The following MAP2K5 variants were observed in gnomAD, a reference collection of about 807,000 sequenced individuals.
The protein encoded by MAP2K5 is dual specificity mitogen-activated protein kinase kinase 5.
Under a neutral mutation model 83.1 loss-of-function variants are expected in MAP2K5, and 49 were observed. That is an observed-to-expected ratio of 0.59 (90% CI 0.47 to 0.75). The LOEUF is 0.75. MAP2K5 is among the 30% of genes least tolerant of loss of function. The pLI, the probability that MAP2K5 is intolerant of heterozygous loss-of-function variation, is 0.00. For missense variants in MAP2K5, 457 were observed against 557.5 expected (o/e 0.82, Z 1.82); for synonymous variants, 202 against 191.8 (o/e 1.05, Z -0.44).
intron 9 of MAP2K5, among the ~76,000 whole-genome samples, chr15:67,641,828 C>T (rs1324674464): frequency 6.6e-6 from 1 of 152,144 alleles, no homozygotes; most frequent in East Asian, 1.9e-4. Context: ...TGCTTTTTGC[C>T]ATTGCCTTCA....
intron 16 of MAP2K5, among the ~76,000 whole-genome samples, chr15:67,723,603 C>T (rs1420389516): frequency 6.6e-6 from 1 of 152,110 alleles, no homozygotes; most frequent in Non-Finnish European, 1.5e-5. Context: ...AATCCCTTAT[C>T]TCTACCTCCA....
chr15:67,767,749 A>G (rs569212141), intron 19 of MAP2K5, among the ~76,000 whole-genome samples: 6 of 152,078 alleles, frequency 3.9e-5, no homozygotes, highest in Non-Finnish European at 8.8e-5. Context: ...AGGACTTGTC[A>G]TGCTATTTTG....
At chr15:67,648,643 G>A (rs2086885697) in intron 11 of MAP2K5, among the ~76,000 whole-genome samples, 2 of 150,788 alleles carry the variant, frequency 1.3e-5, no homozygotes, top group Admixed American at 1.3e-4. Context: ...GGTGATCTCG[G>A]CTCACTGCAA....
At chr15:67,667,850 A>C (rs927440628) in intron 13 of MAP2K5, among the ~76,000 whole-genome samples, 2 of 152,196 alleles carry the variant, frequency 1.3e-5, no homozygotes, top group Non-Finnish European at 2.9e-5. Flanking sequence ...TATTAAACGT[A>C]GTTAATGGCT....
rs914404890 is a variant in MAP2K5, at chr15:67,747,157, A to G, written c.1075-1074A>G. On this transcript the variant is annotated intron_variant, in intron 17 of 21. Coordinates refer to ENST00000178640, the MANE Select transcript of MAP2K5 (RefSeq NM_145160.3). This position sits in a 1 kb window ranked among gnomAD's most constrained non-coding sequence, Gnocchi z 4.1. ...GTCCTCTGATAGGCCCAGCTTTCCC[A>G]TCATAGAATAAAGATGATCATCCCT... Among the ~76,000 whole-genome samples the G allele has an allele frequency of 1.2e-4, 19 of 152,232 alleles. No homozygotes were observed. The highest frequency in any genetic ancestry group is 2.4e-4 in the Non-Finnish European group (16 of 68,046).
chr15:67,658,053 TAAAG>T (rs775920899), intron 11 of MAP2K5, among the ~76,000 whole-genome samples: 21 of 152,204 alleles, frequency 1.4e-4, no homozygotes, highest in South Asian at 2.1e-4. Flanking sequence ...ATTTGACTCT[TAAAG>T]AAAGGTTATT....
intron 15 of MAP2K5, among the ~76,000 whole-genome samples, chr15:67,697,657 T>C (rs1335362831): frequency 6.6e-6 from 1 of 152,228 alleles, no homozygotes; most frequent in Non-Finnish European, 1.5e-5. Flanking sequence ...GTTCTCTAAT[T>C]ATAAGCACAG....
chr15:67,741,520 A>G (rs927651935), intron 17 of MAP2K5, among the ~76,000 whole-genome samples: 5 of 152,186 alleles, frequency 3.3e-5, no homozygotes, highest in Admixed American at 1.3e-4. Context: ...CTTAGGCTGC[A>G]GTTTCATTGG....
intron 8 of MAP2K5, among the ~76,000 whole-genome samples, chr15:67,629,687 A>G (rs113149031): frequency 0.024 from 1,207 of 51,122 alleles, 8 homozygotes; most frequent in Non-Finnish European, 0.04. Context: ...TGCCATTCCT[A>G]TCCTAACACT....
intron 17 of MAP2K5, among the ~76,000 whole-genome samples, chr15:67,731,193 G>A (rs541208481): frequency 6.6e-6 from 1 of 152,244 alleles, no homozygotes; most frequent in Admixed American, 6.5e-5. Context: ...GGGGAGGAGG[G>A]GCCGGCTTCA....
intron 19 of MAP2K5, among the ~76,000 whole-genome samples, chr15:67,762,565 CAAA>C (rs5813455): frequency 0.15 from 18,123 of 119,874 alleles, 1,034 homozygotes; most frequent in East Asian, 0.31. Context: ...AAATGACAGA[CAAA>C]AAAAAAAAAA....
rs141550861 is a variant in MAP2K5 at position 67,544,865 on chromosome 15, C to G, written c.135+1395C>G. Among the ~76,000 whole-genome samples, 63 of 152,270 alleles carry G rather than the reference C, an allele frequency of 4.1e-4. No individual in the cohort carries two copies. In the South Asian group the frequency reaches 4.8e-3, roughly 12 times the overall value. ...CATGCAGATTTTTGGGTGCCTTGAC[C>G]AGGAGCTTTCCATATTGTGCATCAA... On this transcript the variant is annotated intron_variant, in intron 1 of 21. Coordinates refer to ENST00000178640, the MANE Select transcript of MAP2K5 (RefSeq NM_145160.3).
chr15:67,545,823 T>C (rs1382500187), intron 1 of MAP2K5, among the ~76,000 whole-genome samples: 2 of 152,232 alleles, frequency 1.3e-5, no homozygotes, highest in East Asian at 3.8e-4. Context: ...AGTTGATACA[T>C]GTAAAGCACT....
In MAP2K5 at chr15:67,782,699, CT is replaced by C. The variant is rs1218755811; in HGVS notation, c.1242+9956del. Among the ~76,000 whole-genome samples the C allele has an allele frequency of 4.0e-5, 6 of 151,762 alleles. No homozygotes were observed. Among genetic ancestry groups the C allele is most frequent in the African/African-American group, 1.4e-4 (6 of 41,442 alleles). On this transcript the variant is annotated intron_variant, in intron 21 of 21. Transcript: ENST00000178640. This position sits in a 1 kb window ranked among gnomAD's most constrained non-coding sequence, Gnocchi z 4.9. ...TTTCTAATTTTTAAATTAAACATGA[CT>C]TTTTTTTTAAGCCACAGCTTTGCCT...
intron 13 of MAP2K5, among the ~76,000 whole-genome samples, chr15:67,682,515 G>GC (rs770011738): frequency 1.5e-4 from 22 of 150,894 alleles, no homozygotes; most frequent in Non-Finnish European, 3.2e-4. Flanking sequence ...GAGCCACTGC[G>GC]CCTGGCCCCT....
intron 19 of MAP2K5, among the ~76,000 whole-genome samples, chr15:67,766,182 A>G (rs2090037912): frequency 6.6e-6 from 1 of 152,204 alleles, no homozygotes; most frequent in East Asian, 1.9e-4. Context: ...CTGCTTGATA[A>G]CAAGACCCAG....
At chr15:67,800,603 T>G (rs1290333350) in intron 21 of MAP2K5, among the ~76,000 whole-genome samples, 6 of 152,176 alleles carry the variant, frequency 3.9e-5, no homozygotes, top group Non-Finnish European at 8.8e-5. Flanking sequence ...CAATGACCAA[T>G]TGTTCATATG....
chr15:67,742,041 T>C (rs996820307), intron 17 of MAP2K5, among the ~76,000 whole-genome samples: 1 of 152,050 alleles, frequency 6.6e-6, no homozygotes, highest in South Asian at 2.1e-4. Context: ...ACTACAGGTG[T>C]CTGCCACCAC....
chr15:67,692,219 C>T (rs867702483), intron 13 of MAP2K5, among the ~76,000 whole-genome samples: 1 of 152,128 alleles, frequency 6.6e-6, no homozygotes, highest in Non-Finnish European at 1.5e-5. Context: ...TTGTTGTAAG[C>T]CAAGGTTTGA....
Sources: gnomAD v4.1 joint callset for allele counts (sites outside exome capture counted in the v4.1 genomes callset) on GRCh38, gnomAD v4.1.1 for gene constraint, Gnocchi (gnomAD v3.1) non-coding constraint, MANE v1.5 for transcripts, NCBI Gene and HGNC (gene_info 2026-07-23, HGNC 2026-07-21) for gene names.